ELFN1: variants seen among roughly 807,000 people sequenced by gnomAD.
ELFN1 encodes extracellular leucine rich repeat and fibronectin type III domain containing 1, also known as protein ELFN1.
A neutral mutation model predicts 7.6 loss-of-function variants in ELFN1; 6 were observed. That is an observed-to-expected ratio of 0.79 (90% CI 0.43 to 1.56). The LOEUF (loss-of-function observed/expected upper bound fraction) is 1.56. Ranked by LOEUF, ELFN1 falls within the 40% of genes most tolerant of loss-of-function variation. ELFN1 has a pLI of 0.01. For missense variants in ELFN1, 1,169 were observed against 1,232.2 expected (o/e 0.95, Z 0.77); for synonymous variants, 657 against 588.1 (o/e 1.12, Z -1.70).
At chr7:1,679,965 G>A (rs1447983665) in intron 1 of ELFN1, among the ~76,000 whole-genome samples, 1 of 152,244 alleles carries the variant, frequency 6.6e-6, no homozygotes, top group Non-Finnish European at 1.5e-5. Flanking sequence ...GAGCAGAAGG[G>A]GGCGCGTGTG....
Position 1,746,388 on chromosome 7 carries a change from C to T in ELFN1, c.1792C>T (p.Leu598=), listed in dbSNP as rs1780791009. ...GCCCGTGTCCGTCGCGGAGCCGCCGCTGGTGCTGCTGTCCGAGCCGCTGGC... is the reference window on the plus strand; with the variant it reads ...GCCCGTGTCCGTCGCGGAGCCGCCGTTGGTGCTGCTGTCCGAGCCGCTGGC... ...SGPVSVAEPP[L]VLLSEPLAAK... The change falls in exon 4 of 4, where the codon CTG becomes TTG. Residue 598 remains leucine (L), a synonymous_variant. Coordinates refer to ENST00000424383, the MANE Select transcript of ELFN1 (RefSeq NM_001128636.4). 1.3e-6 allele frequency: 2 copies of T among 1,536,090 alleles called. No individual in the cohort carries two copies. Among genetic ancestry groups the T allele is most frequent in the East Asian group, 2.5e-5 (1 of 40,642 alleles).
chr7:1,703,059 G>T (rs1277603281), intron 2 of ELFN1, among the ~76,000 whole-genome samples: 2 of 152,190 alleles, frequency 1.3e-5, no homozygotes, highest in East Asian at 1.9e-4. Flanking sequence ...TTAGTTTGGT[G>T]TTTTTGTTTT....
intron 2 of ELFN1, among the ~76,000 whole-genome samples, chr7:1,690,330 A>G (rs1442555733): frequency 1.4e-5 from 2 of 145,988 alleles, no homozygotes; most frequent in African/African-American, 5.1e-5. Flanking sequence ...TGGATGCTAG[A>G]AGGATATATG....
rs192585498 is a variant in ELFN1, at chr7:1,743,412, A to C, written c.-293-892A>C. 5.4e-3 allele frequency among the ~76,000 whole-genome samples: 829 copies of C among 152,268 alleles called. 23 individuals carry two copies. The highest frequency in any genetic ancestry group is 0.044 in the Admixed American group (680 of 15,294). Reference sequence around the variant, plus strand: ...CCTGAGGAGGATGTGTGGAGCCTGGAAATTCTCCGCAGAGCAAGCAGTTCC... The same window carrying C: ...CCTGAGGAGGATGTGTGGAGCCTGGCAATTCTCCGCAGAGCAAGCAGTTCC... On this transcript the variant is annotated intron_variant, in intron 3 of 3. Coordinates refer to ENST00000424383, the MANE Select transcript of ELFN1 (RefSeq NM_001128636.4).
intron 3 of ELFN1, among the ~76,000 whole-genome samples, chr7:1,729,242 C>G (rs1423180270): frequency 6.6e-6 from 1 of 152,248 alleles, no homozygotes; most frequent in African/African-American, 2.4e-5. Flanking sequence ...TCCCCACCCA[C>G]TCCCTCTTAC....
Position 1,735,663 on chromosome 7 carries a change from G to C in ELFN1, c.-293-8641G>C, listed in dbSNP as rs1253159609. Among the ~76,000 whole-genome samples the C allele has an allele frequency of 6.6e-6, 1 of 152,046 alleles. No homozygotes were observed. Among genetic ancestry groups the C allele is most frequent in the African/African-American group, 2.4e-5 (1 of 41,400 alleles). On this transcript the variant is annotated intron_variant, in intron 3 of 3. Coordinates refer to ENST00000424383, the MANE Select transcript of ELFN1 (RefSeq NM_001128636.4). The surrounding 1 kb of genome is among the most constrained non-coding windows in gnomAD (Gnocchi z 5.9). The stretch of plus-strand genomic sequence containing the variant: ...CAGAGCTGGTGAGATCCCTCAATGG[G>C]CCCCCCTCTGTGGGCACCAGGTCCG...
At chr7:1,691,570 G>A (rs1779165407) in intron 2 of ELFN1, among the ~76,000 whole-genome samples, 1 of 152,224 alleles carries the variant, frequency 6.6e-6, no homozygotes, top group East Asian at 1.9e-4. Context: ...GGCTGTGTTA[G>A]GCTGGAATTC....
rs554636452 is a variant in ELFN1 at position 1,721,754 on chromosome 7, G to C, written c.-294+12502G>C. 7.2e-5 allele frequency among the ~76,000 whole-genome samples: 11 copies of C among 152,318 alleles called. No homozygotes were observed. In the South Asian group the frequency reaches 8.3e-4, roughly 11 times the overall value. On this transcript the variant is annotated intron_variant, in intron 3 of 3. Coordinates refer to ENST00000424383, the MANE Select transcript of ELFN1 (RefSeq NM_001128636.4). ...CCAAAACCATCGCTCACGATCTGCT[G>C]TCCAGGAGTTTTTGAAGCCAATCAG... is the stretch of plus-strand genomic sequence containing the variant.
chr7:1,668,673 C>T (rs571511873), upstream of ELFN1, among the ~76,000 whole-genome samples: 99 of 152,324 alleles, frequency 6.5e-4, no homozygotes, highest in Admixed American at 5.7e-3. Context: ...GTGCCCCGCT[C>T]ACCGCCGGCC....
chr7:1,715,321 G>A (rs1308968365), intron 3 of ELFN1, among the ~76,000 whole-genome samples: 1 of 152,112 alleles, frequency 6.6e-6, no homozygotes, highest in East Asian at 1.9e-4. Context: ...CCCACTGTGG[G>A]GCATCCCCCA....
Position 1,679,379 on chromosome 7 carries a change from C to A in ELFN1, c.-548-8679C>A, listed in dbSNP as rs374532108. On this transcript the variant is annotated intron_variant, in intron 1 of 3. Coordinates refer to ENST00000424383, the MANE Select transcript of ELFN1 (RefSeq NM_001128636.4). The stretch of plus-strand genomic sequence containing the variant: ...AGGAGGCTCTGGGACCTCCCCAAGC[C>A]TGGGGGTGCCTGGCCTGACCATCTG... Among the ~76,000 whole-genome samples the A allele has an allele frequency of 3.3e-5, 5 of 152,296 alleles. No homozygotes were observed. In the South Asian group the frequency reaches 1.0e-3, roughly 32 times the overall value.
chr7:1,672,648 A>G (rs543508122), intron 1 of ELFN1, among the ~76,000 whole-genome samples: 2 of 152,016 alleles, frequency 1.3e-5, no homozygotes, highest in Admixed American at 6.5e-5. Context: ...TCAGCTCTAG[A>G]TTTTGATAGA....
rs987772651 is a variant in ELFN1, at chr7:1,746,602, A to T, written c.2006A>T (p.Tyr669Phe). ...VHKAAAAEAK[Y>F]IEKGSPAADA... is the part of the protein sequence containing the mutation. The stretch of plus-strand genomic sequence containing the variant: ...AAGGCCGCGGCCGCCGAGGCCAAGT[A>T]CATCGAGAAGGGCTCCCCCGCGGCC... The change falls in exon 4 of 4, where the codon TAC becomes TTC. Residue 669 changes from tyrosine (Y) to phenylalanine (F), a missense_variant. Tyr to Phe is a conservative substitution (Grantham distance 22). Around this residue, in one of 2 missense-constraint regions of ELFN1, gnomAD observed 914 missense variants for 872.6 expected, o/e 1.05. Transcript: ENST00000424383. 3.8e-5 allele frequency: 51 copies of T among 1,349,158 alleles called. No homozygotes were observed. The African/African-American group carries it at 7.5e-4, about 20-fold the overall frequency. The allele number at this position is 1,349,158 out of a possible 1,614,324, so 83.6% of individuals were successfully genotyped here.
intron 1 of ELFN1, among the ~76,000 whole-genome samples, chr7:1,677,129 C>T (rs1238317365): frequency 1.3e-5 from 2 of 152,194 alleles, no homozygotes; most frequent in African/African-American, 4.8e-5. Flanking sequence ...TAAGGCAAAA[C>T]CCATTTTCCT....
At chr7:1,696,323 GGA>G (rs1319926820) in intron 2 of ELFN1, among the ~76,000 whole-genome samples, 2 of 150,992 alleles carry the variant, frequency 1.3e-5, no homozygotes, top group Admixed American at 6.6e-5. Flanking sequence ...AGGGAGAGAT[GGA>G]GAGAGAGAGG....
In ELFN1 at chr7:1,740,506, G is replaced by A. The variant is rs1780577839; in HGVS notation, c.-293-3798G>A. Among the ~76,000 whole-genome samples, 1 of 152,216 alleles carries A rather than the reference G, an allele frequency of 6.6e-6. No homozygotes were observed. Among genetic ancestry groups the A allele is most frequent in the African/African-American group, 2.4e-5 (1 of 41,444 alleles). On this transcript the variant is annotated intron_variant, in intron 3 of 3. Transcript: ENST00000424383. The surrounding 1 kb of genome is among the most constrained non-coding windows in gnomAD (Gnocchi z 5.0). ...GCGGCAGGTGTGAGTGCGGATCAGC[G>A]AGGGCACAGGCTGGCGGGGCATCGA...
chr7:1,746,564 C>A lies in ELFN1; in HGVS notation c.1968C>A (p.Ala656=), dbSNP rs1014884679. 2.2e-6 allele frequency: 3 copies of A among 1,358,456 alleles called. No homozygotes were observed. The highest frequency in any genetic ancestry group is 1.5e-5 in the African/African-American group (1 of 64,572). 84.2% of individuals were successfully genotyped at this position (1,358,456 alleles called of 1,614,324 possible). Residue 656 remains alanine, a synonymous_variant, in exon 4 of 4, where the codon GCC becomes GCA. Transcript: ENST00000424383. The part of the protein sequence containing the change: ...VRSPRAFRAE[A]VGVHKAAAAE... ...GCCCCCGCGCCTTCCGAGCCGAGGCCGTCGGGGTGCACAAGGCCGCGGCCG... is the reference window on the plus strand; with the variant it reads ...GCCCCCGCGCCTTCCGAGCCGAGGCAGTCGGGGTGCACAAGGCCGCGGCCG...
Position 1,744,938 on chromosome 7 carries a change from G to A in ELFN1, c.342G>A (p.Gln114=). 6.4e-7 allele frequency: 1 copy of A among 1,552,092 alleles called. No individual in the cohort carries two copies. Among genetic ancestry groups the A allele is most frequent in the Non-Finnish European group, 8.7e-7 (1 of 1,147,288 alleles). The change falls in exon 4 of 4, where the codon CAG becomes CAA. Residue 114 remains glutamine, a synonymous_variant. Transcript: ENST00000424383. ...GCCAGTTCAACCTGCAGGTGCTGCA[G>A]CTGGGCTACAACCGGCTGCGCAACC... ...FSGQFNLQVL[Q]LGYNRLRNLT...
chr7:1,727,973 C>T (rs1780241192), intron 3 of ELFN1, among the ~76,000 whole-genome samples: 1 of 152,154 alleles, frequency 6.6e-6, no homozygotes, highest in African/African-American at 2.4e-5. Context: ...TTCTCTCCAC[C>T]CTGTGTGCAG....
Sources: allele counts gnomAD v4.1 joint callset (sites outside exome capture counted in the v4.1 genomes callset), GRCh38; gene constraint gnomAD v4.1.1; regional missense constraint gnomAD v4.1.1; non-coding constraint Gnocchi (gnomAD v3.1); transcripts MANE v1.5; gene names NCBI Gene and HGNC (gene_info 2026-07-23, HGNC 2026-07-21).